Variants in TATDN2 observed in about 807,000 individuals in gnomAD.
TATDN2 encodes 3'-5' RNA nuclease TATDN2.
In TATDN2, 44 loss-of-function variants were observed where a neutral mutation model predicts 60.3. The ratio of observed to expected loss-of-function variants is 0.73; its 90% CI spans 0.57 to 0.94. TATDN2 has a LOEUF of 0.94. Ranked by LOEUF, TATDN2 falls within the 40% of genes least tolerant of loss-of-function variation. The pLI is 0.00. For synonymous variants in TATDN2, 399 were observed against 355.8 expected (o/e 1.12, Z -1.37); for missense variants, 997 against 948.0 (o/e 1.05, Z -0.68).
At chr3:10,258,744 A>G (rs1698354576) in intron 2 of TATDN2, among the ~76,000 whole-genome samples, 1 of 151,932 alleles carries the variant, frequency 6.6e-6, no homozygotes, top group Non-Finnish European at 1.5e-5. Flanking sequence ...TGCTGGGATT[A>G]CAGGTGTGAG....
chr3:10,254,082 A>G (rs1698268462), intron 2 of TATDN2, among the ~76,000 whole-genome samples: 1 of 152,174 alleles, frequency 6.6e-6, no homozygotes, highest in Non-Finnish European at 1.5e-5. Flanking sequence ...TGAGTGATAG[A>G]GCTTTTGCAC....
intron 2 of TATDN2, among the ~76,000 whole-genome samples, chr3:10,255,294 A>G (rs1698292586): frequency 6.6e-6 from 1 of 151,768 alleles, no homozygotes; most frequent in African/African-American, 2.4e-5. Flanking sequence ...GATTATAGGC[A>G]GGAGCCACCA....
intron 2 of TATDN2, among the ~76,000 whole-genome samples, chr3:10,255,315 A>G (rs1698292949): frequency 6.6e-6 from 1 of 151,964 alleles, no homozygotes; most frequent in Non-Finnish European, 1.5e-5. Context: ...TGCCCAGCCA[A>G]CAGTGTTTCT....
At position 10,281,120 on chromosome 3, in the gene TATDN2, A is replaced by G. The variant is rs1247897254; in HGVS notation, c.*1938A>G. ...CATTGTTTTTGATTCAGCTTTTTGG[A>G]TGGCTAATTGTTTTCACTGTGCTGT... On this transcript the variant is annotated 3_prime_UTR_variant, in exon 8 of 8. Coordinates refer to ENST00000448281, the MANE Select transcript of TATDN2 (RefSeq NM_014760.4). The G allele has an allele frequency of 6.6e-6, 1 of 152,106 alleles. No individual in the cohort carries two copies. 9.4% of individuals were successfully genotyped at this position (152,106 alleles called of 1,614,324 possible). A position where few individuals can be genotyped will look rare whatever the true frequency, so the allele number is the denominator to read the frequency against.
chr3:10,252,597 C>G (rs1246137371), intron 2 of TATDN2, among the ~76,000 whole-genome samples: 2 of 152,142 alleles, frequency 1.3e-5, no homozygotes, highest in African/African-American at 4.8e-5. Context: ...CTAAGTCCTT[C>G]AGCAAGCACA....
At position 10,270,373 on chromosome 3, in the gene TATDN2, C is replaced by T. The variant is rs1698541778; in HGVS notation, c.1191C>T (p.Ser397=). The T allele has an allele frequency of 6.2e-7, 1 of 1,614,064 alleles. No individual in the cohort carries two copies. Among genetic ancestry groups the T allele is most frequent in the Non-Finnish European group, 8.5e-7 (1 of 1,180,044 alleles). ...GCCCCAAGCCTTCTAGCTACCCCTC[C>T]ACAGGCAGCAGCAGCAACGATGCAG... ...TSSPKPSSYP[S]TGSSSNDAAQ... The change falls in exon 4 of 8, where the codon TCC becomes TCT. Residue 397 remains serine (S), a synonymous_variant. Transcript: ENST00000448281.
In TATDN2 at chr3:10,249,247, C is replaced by T. The variant is rs951912569; in HGVS notation, c.47C>T (p.Ser16Leu). Residue 16 changes from serine (S) to leucine (L), a missense_variant, in exon 2 of 8, where the codon TCG (serine) becomes TTG (leucine). By Grantham distance (145) the Ser-to-Leu change is moderately radical (BLOSUM62 -2). Transcript: ENST00000448281. Reference sequence around the variant, plus strand: ...GTCAAGCACAACTGGAGCAGCACGTCGGAAGGGTGTCCCCGCAAGCGCAGC... The same window carrying T: ...GTCAAGCACAACTGGAGCAGCACGTTGGAAGGGTGTCCCCGCAAGCGCAGC... ...GKVKHNWSST[S>L]EGCPRKRSCL... 3 of 1,563,120 alleles carry T rather than the reference C, an allele frequency of 1.9e-6. No homozygotes were observed. The highest frequency in any genetic ancestry group is 2.7e-5 in the African/African-American group (2 of 73,476).
chr3:10,260,768 A>G, intron 3 of TATDN2, 98 bp downstream of exon 3: 1 of 1,408,038 alleles, frequency 7.1e-7, no homozygotes, highest in Non-Finnish European at 9.5e-7. Flanking sequence ...AATTAAAAAT[A>G]GTACTTTACT....
chr3:10,276,588 A>G (rs1698641303), intron 5 of TATDN2, 100 bp downstream of exon 5: 1 of 1,384,924 alleles, frequency 7.2e-7, no homozygotes, highest in Non-Finnish European at 9.6e-7. Context: ...TACACTATCT[A>G]TTCTTTTTTT....
chr3:10,265,676 C>T lies in TATDN2; in HGVS notation c.949-4455C>T, dbSNP rs529617694. On this transcript the variant is annotated intron_variant, in intron 3 of 7. Transcript: ENST00000448281. ...CAGCCTGGGCAACAGAGCAAGACTC[C>T]GTCTCAAAAAAAAAAAAAAAAAAAA... 1.1e-3 allele frequency among the ~76,000 whole-genome samples: 136 copies of T among 123,026 alleles called. 2 individuals are homozygous for T. The highest frequency in any genetic ancestry group is 1.0e-2 in the East Asian group (36 of 3,610). The allele number at this position is 123,026 out of a possible 152,430, so 80.7% of individuals were successfully genotyped here. A position where few individuals can be genotyped will look rare whatever the true frequency, so the allele number is the denominator to read the frequency against.
intron 3 of TATDN2, 48 bp from the exon 4 acceptor site, chr3:10,270,083 C>T (rs1327698894): frequency 1.3e-6 from 2 of 1,559,220 alleles, no homozygotes; most frequent in Non-Finnish European, 1.7e-6. Flanking sequence ...GGGAGGCCAT[C>T]TTCACATCGG....
intron 4 of TATDN2, among the ~76,000 whole-genome samples, chr3:10,272,655 C>T (rs2241315): frequency 0.087 from 13,248 of 152,042 alleles, 809 homozygotes; most frequent in East Asian, 0.27. Flanking sequence ...TTTGGGAGGC[C>T]GAGGCAGGCG....
chr3:10,249,324 T>TC lies in TATDN2; in HGVS notation c.125dup (p.Ala43CysfsTer37). On this transcript the variant is annotated frameshift_variant, in exon 2 of 8. Transcript: ENST00000448281. LOFTEE classifies it high-confidence loss of function. ...CCCCTCCAGCCGGCCAGCTCAGAGGTCTGCGTCGCGTTCTGGAGGGCCCAG... is the reference window on the plus strand; with the variant it reads ...CCCCTCCAGCCGGCCAGCTCAGAGGTCCTGCGTCGCGTTCTGGAGGGCCCAG... 1 of 1,611,552 alleles carries TC rather than the reference T, an allele frequency of 6.2e-7. No individual in the cohort carries two copies. The highest frequency in any genetic ancestry group is 8.5e-7 in the Non-Finnish European group (1 of 1,178,412).
In TATDN2 at chr3:10,260,383, GGAGAAGGACCAGCCAGGA is replaced by G. The variant is rs1377086976; in HGVS notation, c.663_680del (p.Arg226_Ala231del). 2 of 1,614,184 alleles carry G rather than the reference GGAGAAGGACCAGCCAGGA, an allele frequency of 1.2e-6. No individual in the cohort carries two copies. The highest frequency in any genetic ancestry group is 1.7e-6 in the Non-Finnish European group (2 of 1,180,032). ...AAGCGCAGCAGAGCATCCCAGCCAT[GGAGAAGGACCAGCCAGGA>G]GTGAAGGACCAGCCAAGACTGCAGA... On this transcript the variant is annotated inframe_deletion, in exon 3 of 8. Coordinates refer to ENST00000448281, the MANE Select transcript of TATDN2 (RefSeq NM_014760.4).
intron 2 of TATDN2, among the ~76,000 whole-genome samples, chr3:10,255,873 C>T (rs558783403): frequency 3.0e-4 from 45 of 152,220 alleles, no homozygotes; most frequent in Non-Finnish European, 5.4e-4. Context: ...ACCTGAGAGG[C>T]GGAGGTTGTA....
At chr3:10,252,701 T>TTG (rs1216907768) in intron 2 of TATDN2, among the ~76,000 whole-genome samples, 42 of 151,900 alleles carry the variant, frequency 2.8e-4, no homozygotes, top group East Asian at 1.9e-4. Flanking sequence ...AACTTTTTTT[T>TTG]TTTGTTTGAG....
intron 2 of TATDN2, among the ~76,000 whole-genome samples, chr3:10,256,928 G>C (rs1698315944): frequency 6.6e-6 from 1 of 151,792 alleles, no homozygotes; most frequent in South Asian, 2.1e-4. Context: ...GGCAGAAGAG[G>C]GCACTAGAGA....
intron 3 of TATDN2, 138 bp downstream of exon 3, chr3:10,260,808 G>T: frequency 8.1e-6 from 8 of 983,786 alleles, no homozygotes; most frequent in South Asian, 7.5e-5. Flanking sequence ...CAAACTGATG[G>T]TTTTCTTCTA....
chr3:10,251,403 T>C (rs1218373474), intron 2 of TATDN2, among the ~76,000 whole-genome samples: 3 of 152,104 alleles, frequency 2.0e-5, no homozygotes, highest in African/African-American at 7.2e-5. Flanking sequence ...TCTCTTTTTT[T>C]GAGACAGATT....
Sources: gnomAD v4.1 joint callset for allele counts (sites outside exome capture counted in the v4.1 genomes callset) on GRCh38, gnomAD v4.1.1 for gene constraint, MANE v1.5 for transcripts, NCBI Gene and HGNC (gene_info 2026-07-23, HGNC 2026-07-21) for gene names.